Variants in ADGRL2 observed in about 807,000 individuals in gnomAD.
The protein encoded by ADGRL2 is adhesion G protein-coupled receptor L2.
A neutral mutation model predicts 157.4 loss-of-function variants in ADGRL2; 44 were observed. The observed-to-expected ratio is 0.28, with a 90% confidence interval of 0.22 to 0.36. The LOEUF is 0.36. Among genes scored for constraint, ADGRL2 ranks in the 10% least tolerant of loss-of-function variants. ADGRL2 has a pLI of 1.00. For synonymous variants in ADGRL2, 585 were observed against 624.7 expected (o/e 0.94, Z 0.95); for missense variants, 1,510 against 1,768.9 (o/e 0.85, Z 2.63).
intron 2 of ADGRL2, among the ~76,000 whole-genome samples, chr1:81,865,489 A>G (rs980116147): frequency 1.7e-4 from 26 of 152,208 alleles, no homozygotes; most frequent in Non-Finnish European, 3.4e-4. Flanking sequence ...ACTTACCACC[A>G]TAGATGAGGA....
At chr1:81,634,975 G>A (rs1328822252) in intron 3 of ADGRL2, among the ~76,000 whole-genome samples, 1 of 152,116 alleles carries the variant, frequency 6.6e-6, no homozygotes, top group Non-Finnish European at 1.5e-5. Context: ...TTCTTCAGGG[G>A]TTTGCTTGAC....
chr1:81,475,820 C>T (rs2078261058), intron 2 of ADGRL2, among the ~76,000 whole-genome samples: 1 of 152,166 alleles, frequency 6.6e-6, no homozygotes, highest in Non-Finnish European at 1.5e-5. Flanking sequence ...TAGTGCCCTT[C>T]CTGGAGGAGG....
intron 1 of ADGRL2, among the ~76,000 whole-genome samples, chr1:81,728,694 G>A (rs983331929): frequency 2.6e-5 from 4 of 152,066 alleles, no homozygotes; most frequent in East Asian, 3.9e-4. Flanking sequence ...TCCTCTCGCC[G>A]AGCATCTGCT....
At chr1:81,564,950 C>T (rs909857450) in intron 2 of ADGRL2, among the ~76,000 whole-genome samples, 2 of 152,144 alleles carry the variant, frequency 1.3e-5, no homozygotes, top group East Asian at 1.9e-4. Context: ...CCAGCACTGC[C>T]TGAGAGAAGC....
At chr1:81,877,707 TAA>T (rs11356912) in intron 2 of ADGRL2, among the ~76,000 whole-genome samples, 1 of 151,688 alleles carries the variant, frequency 6.6e-6, no homozygotes, top group African/African-American at 2.4e-5. Flanking sequence ...CTTGCTTTGT[TAA>T]AAAAAAAGCC....
Position 81,950,260 on chromosome 1 carries a change from A to G in ADGRL2, c.1282A>G (p.Thr428Ala), listed in dbSNP as rs777775018. ...FKTIISTTST[T>A]SQKGPMSTTV... The stretch of plus-strand genomic sequence containing the variant: ...AACCATAATATCAACCACAAGCACT[A>G]CTTCACAGAAAGGCCCCATGAGCAC... Residue 428 changes from threonine (T) to alanine (A), a missense_variant, in exon 7 of 24, where the codon ACT becomes GCT. Physicochemically the swap from Thr to Ala is moderately conservative, Grantham distance 58. Transcript: ENST00000686636. 6.2e-7 allele frequency: 1 copy of G among 1,613,968 alleles called. No homozygotes were observed. Among genetic ancestry groups the G allele is most frequent in the African/African-American group, 1.3e-5 (1 of 74,940 alleles).
chr1:81,560,653 A>G (rs1299916303), intron 2 of ADGRL2, among the ~76,000 whole-genome samples: 1 of 152,172 alleles, frequency 6.6e-6, no homozygotes, highest in East Asian at 1.9e-4. Context: ...GTTCAAATCA[A>G]GATGTGTTAG....
At chr1:81,377,962 C>T (rs1331994121) in intron 1 of ADGRL2, among the ~76,000 whole-genome samples, 2 of 152,060 alleles carry the variant, frequency 1.3e-5, no homozygotes, top group Non-Finnish European at 2.9e-5. Context: ...GGGCAGATCA[C>T]GAGGTCAAGA....
chr1:81,474,259 TTA>T (rs2078229011), intron 2 of ADGRL2, among the ~76,000 whole-genome samples: 1 of 152,360 alleles, frequency 6.6e-6, no homozygotes, highest in South Asian at 2.1e-4. Context: ...AAAAGAATCA[TTA>T]TGTTTATTGT....
intron 2 of ADGRL2, among the ~76,000 whole-genome samples, chr1:81,554,030 C>T (rs2080213287): frequency 6.6e-6 from 1 of 152,194 alleles, no homozygotes; most frequent in Non-Finnish European, 1.5e-5. Context: ...TATTCTTCTA[C>T]TGACCAGATT....
intron 11 of ADGRL2, among the ~76,000 whole-genome samples, chr1:81,957,544 C>T (rs542711817): frequency 5.9e-5 from 9 of 151,620 alleles, no homozygotes; most frequent in Non-Finnish European, 1.3e-4. Flanking sequence ...ACAAAAAATA[C>T]GCCAAGAAAA....
At chr1:81,326,758 C>T (rs1660929647) in intron 1 of ADGRL2, among the ~76,000 whole-genome samples, 3 of 152,278 alleles carry the variant, frequency 2.0e-5, no homozygotes, top group Middle Eastern at 3.4e-3. Context: ...ATCTTCAGTT[C>T]CTCAGGTTTT....
At position 81,790,313 on chromosome 1, in the gene ADGRL2, T is replaced by C. The variant is rs186380761; in HGVS notation, c.-101+28461T>C. ...AACACACACTCAACAGGATGATTAG[T>C]AGTACTAGAAACTCCTTTGACAATT... On this transcript the variant is annotated intron_variant, in intron 2 of 20. Transcript: ENST00000359929. Among the ~76,000 whole-genome samples the C allele has an allele frequency of 5.9e-5, 9 of 152,044 alleles. No individual in the cohort carries two copies. The East Asian group carries it at 1.7e-3, about 29-fold the overall frequency.
At chr1:81,793,764 T>C (rs1217121023) in intron 2 of ADGRL2, among the ~76,000 whole-genome samples, 3 of 152,138 alleles carry the variant, frequency 2.0e-5, no homozygotes, top group Non-Finnish European at 4.4e-5. Flanking sequence ...TATTTTGATT[T>C]ATACATATAT....
At chr1:81,867,428 A>T (rs1466246740) in intron 2 of ADGRL2, among the ~76,000 whole-genome samples, 1 of 152,206 alleles carries the variant, frequency 6.6e-6, no homozygotes, top group Non-Finnish European at 1.5e-5. Context: ...GGCCTATGCC[A>T]TGTGGCTCTT....
intron 1 of ADGRL2, among the ~76,000 whole-genome samples, chr1:81,412,491 C>T (rs770667965): frequency 4.6e-5 from 7 of 152,182 alleles, no homozygotes; most frequent in Non-Finnish European, 1.0e-4. Context: ...AGAAGCCTTT[C>T]TATCTTCATA....
Position 81,991,579 on chromosome 1 carries a change from A to G in ADGRL2, c.*434A>G, listed in dbSNP as rs1458219241. On this transcript the variant is annotated 3_prime_UTR_variant, in exon 24 of 24. Transcript: ENST00000686636. ...TGGGACAAATTTACTGTACCTTACT[A>G]TTCCTGACAAGACTTGGAAAAGCAG... is the stretch of plus-strand genomic sequence containing the variant. The G allele has an allele frequency of 1.3e-5, 2 of 155,216 alleles. No individual in the cohort carries two copies. Among genetic ancestry groups the G allele is most frequent in the African/African-American group, 4.8e-5 (2 of 41,480 alleles). The allele number at this position is 155,216 out of a possible 1,614,324, so 9.6% of individuals were successfully genotyped here.
At chr1:81,589,616 G>T (rs982617461) in intron 3 of ADGRL2, among the ~76,000 whole-genome samples, 1 of 152,134 alleles carries the variant, frequency 6.6e-6, no homozygotes, top group Non-Finnish European at 1.5e-5. Context: ...GGTCTAGATT[G>T]CTCAGCTATG....
At chr1:81,945,483 A>C (rs917623553) in intron 6 of ADGRL2, among the ~76,000 whole-genome samples, 13 of 152,172 alleles carry the variant, frequency 8.5e-5, no homozygotes, top group Admixed American at 5.9e-4. Flanking sequence ...AAGAATTGTG[A>C]ATAAAGTTGA....
Sources: allele counts gnomAD v4.1 joint callset (sites outside exome capture counted in the v4.1 genomes callset), GRCh38; gene constraint gnomAD v4.1.1; transcripts MANE v1.5; gene names NCBI Gene and HGNC (gene_info 2026-07-23, HGNC 2026-07-21).